Variants in RALGPS2 observed in about 807,000 individuals in gnomAD.
RALGPS2 encodes the protein ras-specific guanine nucleotide-releasing factor RalGPS2.
Under a neutral mutation model 86.8 loss-of-function variants are expected in RALGPS2, and 43 were observed. That is an observed-to-expected ratio of 0.50 (90% CI 0.39 to 0.64). The LOEUF (loss-of-function observed/expected upper bound fraction) is 0.64. Among genes scored for constraint, RALGPS2 ranks in the 30% least tolerant of loss-of-function variants. The pLI, the probability that RALGPS2 is intolerant of heterozygous loss-of-function variation, is 0.00. For missense variants in RALGPS2, 536 were observed against 694.6 expected, an observed-to-expected ratio of 0.77 and a Z score of 2.57; for synonymous variants, 243 against 231.3, an observed-to-expected ratio of 1.05 and a Z score of -0.46.
At chr1:178,808,515 A>C (rs1195105376) in intron 5 of RALGPS2, among the ~76,000 whole-genome samples, 1 of 151,972 alleles carries the variant, frequency 6.6e-6, no homozygotes, top group African/African-American at 2.4e-5. Context: ...AATTTTCAAC[A>C]TAGTTTCTGT....
At chr1:178,736,049 G>C (rs546073180) in intron 1 of RALGPS2, among the ~76,000 whole-genome samples, 1 of 151,938 alleles carries the variant, frequency 6.6e-6, no homozygotes, top group Non-Finnish European at 1.5e-5. Flanking sequence ...TTGCATACTC[G>C]CTTATGGTGT....
At chr1:178,864,135 G>A (rs1658220799) in intron 8 of RALGPS2, among the ~76,000 whole-genome samples, 1 of 151,954 alleles carries the variant, frequency 6.6e-6, no homozygotes, top group Admixed American at 6.6e-5. Context: ...AGTTAGCAGT[G>A]GGTTTAGTAA....
At chr1:178,781,666 A>G (rs1413694279) in intron 2 of RALGPS2, among the ~76,000 whole-genome samples, 1 of 152,194 alleles carries the variant, frequency 6.6e-6, no homozygotes, top group Non-Finnish European at 1.5e-5. Flanking sequence ...ATGATGGTTT[A>G]CTAACTTGGA....
At chr1:178,844,477 G>T (rs1656771321) in intron 8 of RALGPS2, among the ~76,000 whole-genome samples, 1 of 152,210 alleles carries the variant, frequency 6.6e-6, no homozygotes, top group East Asian at 1.9e-4. Context: ...TGTTTTCTCG[G>T]CTCTCAACTC....
Position 178,863,545 on chromosome 1 carries a change from C to T in RALGPS2, c.608-13953C>T, listed in dbSNP as rs377700706. 7.2e-5 allele frequency among the ~76,000 whole-genome samples: 11 copies of T among 152,194 alleles called. No homozygotes were observed. The South Asian group carries it at 1.2e-3, about 17-fold the overall frequency. On this transcript the variant is annotated intron_variant, in intron 8 of 19. Coordinates refer to ENST00000367635, the MANE Select transcript of RALGPS2 (RefSeq NM_152663.5). ...TAAGCCTTGAGATCTGCTAAATTGA[C>T]GACAGATAAGCTGAAAGAAGGTGTT...
intron 8 of RALGPS2, among the ~76,000 whole-genome samples, chr1:178,862,404 A>C (rs1015931599): frequency 1.1e-4 from 17 of 152,070 alleles, no homozygotes; most frequent in Admixed American, 7.9e-4. Context: ...ACCAGGAAGG[A>C]GCTTATAATA....
intron 8 of RALGPS2, chr1:178,850,080 T>C (rs921900837): frequency 1.1e-4 from 17 of 152,664 alleles, no homozygotes; most frequent in African/African-American, 3.9e-4. Context: ...ATTAGCAGTT[T>C]GGACTAAGCT....
At chr1:178,913,753 C>T (rs1295315383) in intron 19 of RALGPS2, among the ~76,000 whole-genome samples, 1 of 152,190 alleles carries the variant, frequency 6.6e-6, no homozygotes, top group Non-Finnish European at 1.5e-5. Context: ...AACCAAGGTT[C>T]AGCTTGGCAC....
chr1:178,726,990 G>A (rs561581902), intron 1 of RALGPS2, among the ~76,000 whole-genome samples: 1 of 152,220 alleles, frequency 6.6e-6, no homozygotes, highest in South Asian at 2.1e-4. Context: ...CCAAAACTGA[G>A]CATCCAAACA....
chr1:178,730,192 C>T (rs1039253154), intron 1 of RALGPS2, among the ~76,000 whole-genome samples: 1 of 152,108 alleles, frequency 6.6e-6, no homozygotes, highest in Admixed American at 6.5e-5. Context: ...CCCGTTCTCC[C>T]TGGCCTCCCT....
At chr1:178,865,661 G>A in intron 8 of RALGPS2, 1 of 1,613,928 alleles carries the variant, frequency 6.2e-7, no homozygotes, top group Non-Finnish European at 8.5e-7. Flanking sequence ...ACCATCTGTG[G>A]CACGAGGGTA....
intron 6 of RALGPS2, among the ~76,000 whole-genome samples, chr1:178,814,204 C>T (rs956568182): frequency 6.6e-6 from 1 of 152,164 alleles, no homozygotes; most frequent in Non-Finnish European, 1.5e-5. Flanking sequence ...TACTTTTGTA[C>T]TTTCATAACT....
chr1:178,844,494 C>G (rs1482607096), intron 8 of RALGPS2, among the ~76,000 whole-genome samples: 4 of 152,042 alleles, frequency 2.6e-5, no homozygotes, highest in African/African-American at 9.7e-5. Context: ...ACTCATCATC[C>G]CTTGAAAAAT....
Position 178,784,408 on chromosome 1 carries a change from A to G in RALGPS2, c.58-10A>G, listed in dbSNP as rs1653548316. ...TATGTAAAAGGCTGCATTTTCTTTC[A>G]CTTTAACAGAAAAGTAGCAGCTCTG... On this transcript the variant is annotated splice_polypyrimidine_tract_variant and intron_variant, in intron 2 of 19. Transcript: ENST00000367635. The G allele has an allele frequency of 6.3e-7, 1 of 1,588,904 alleles. No individual in the cohort carries two copies. The highest frequency in any genetic ancestry group is 1.7e-4 in the Middle Eastern group (1 of 5,970).
chr1:178,846,737 T>C (rs767545932), intron 8 of RALGPS2, among the ~76,000 whole-genome samples: 3 of 152,324 alleles, frequency 2.0e-5, no homozygotes, highest in Non-Finnish European at 4.4e-5. Flanking sequence ...GTAAACAGAA[T>C]CAGATTCCCC....
At chr1:178,901,619 A>G (rs1159946768) in intron 17 of RALGPS2, among the ~76,000 whole-genome samples, 1 of 151,536 alleles carries the variant, frequency 6.6e-6, no homozygotes, top group Non-Finnish European at 1.5e-5. Flanking sequence ...ATTAAGAATT[A>G]TCTGGTTGCA....
chr1:178,891,665 A>G lies in RALGPS2; in HGVS notation c.1248-565A>G, dbSNP rs144261938. Reference sequence around the variant, plus strand: ...TAAGTATTAACTCATCATTTTTATCATTTATTGGCTTTGTCAGTTAATGTA... The same window carrying G: ...TAAGTATTAACTCATCATTTTTATCGTTTATTGGCTTTGTCAGTTAATGTA... On this transcript the variant is annotated intron_variant, in intron 14 of 19. Transcript: ENST00000367635. 2.3e-3 allele frequency among the ~76,000 whole-genome samples: 356 copies of G among 152,006 alleles called. 4 individuals carry two copies. The East Asian group carries it at 0.039, about 16-fold the overall frequency.
intron 7 of RALGPS2, among the ~76,000 whole-genome samples, chr1:178,832,138 G>A (rs1316895717): frequency 1.3e-5 from 2 of 152,146 alleles, no homozygotes; most frequent in Non-Finnish European, 2.9e-5. Context: ...GCAAACATTT[G>A]CACCTAATCT....
At chr1:178,887,006 G>C (rs1170721818) in intron 13 of RALGPS2, among the ~76,000 whole-genome samples, 1 of 152,046 alleles carries the variant, frequency 6.6e-6, no homozygotes. Flanking sequence ...TGAGAGGTGA[G>C]GAAACAGAGA....
Sources: allele counts gnomAD v4.1 joint callset (sites outside exome capture counted in the v4.1 genomes callset), GRCh38; gene constraint gnomAD v4.1.1; transcripts MANE v1.5; gene names NCBI Gene and HGNC (gene_info 2026-07-23, HGNC 2026-07-21).